Variants in FAF1 observed in about 807,000 individuals in gnomAD.
The protein encoded by FAF1 is Fas associated factor 1.
A neutral mutation model predicts 92.5 loss-of-function variants in FAF1; 25 were observed. The ratio of observed to expected loss-of-function variants is 0.27; its 90% CI spans 0.20 to 0.38. The LOEUF (loss-of-function observed/expected upper bound fraction) is 0.38, where lower values mean the gene tolerates loss of function less well. FAF1 is among the 10% of genes least tolerant of loss of function. The pLI, the probability that FAF1 is intolerant of heterozygous loss-of-function variation, is 1.00. For synonymous variants in FAF1, 234 were observed against 273.2 expected, an observed-to-expected ratio of 0.86 and a Z score of 1.42; for missense variants, 636 against 793.3, an observed-to-expected ratio of 0.80 and a Z score of 2.38.
chr1:50,533,708 G>A (rs1013859573), intron 15 of FAF1, among the ~76,000 whole-genome samples: 2 of 152,054 alleles, frequency 1.3e-5, no homozygotes, highest in Non-Finnish European at 2.9e-5. Context: ...TCTCCCTTAC[G>A]TGTTCTAGGG....
Position 50,663,189 on chromosome 1 carries a change from A to G in FAF1, c.658-7661T>C, listed in dbSNP as rs1423006653. Among the ~76,000 whole-genome samples, 4 of 151,652 alleles carry G rather than the reference A, an allele frequency of 2.6e-5. 1 individual carries two copies. The highest frequency in any genetic ancestry group is 2.0e-4 in the Admixed American group (3 of 15,258). On this transcript the variant is annotated intron_variant, in intron 7 of 18. Coordinates refer to ENST00000396153, the MANE Select transcript of FAF1 (RefSeq NM_007051.3). The stretch of plus-strand genomic sequence containing the variant: ...AAGTTGCAGGGATTATAACTGAAAA[A>G]AAAGGTTAATTATTTTTCTACAACA...
At chr1:50,599,068 CATA>C (rs1186363673) in intron 8 of FAF1, among the ~76,000 whole-genome samples, 1 of 152,048 alleles carries the variant, frequency 6.6e-6, no homozygotes, top group Non-Finnish European at 1.5e-5. Context: ...AAAATTATTT[CATA>C]ATAATACTTA....
At chr1:50,846,857 A>T (rs541913241) in intron 2 of FAF1, 1 of 543,436 alleles carries the variant, frequency 1.8e-6, no homozygotes, top group Non-Finnish European at 3.3e-6. Flanking sequence ...ATTCACCAGG[A>T]ATTAGCCTTA....
chr1:50,702,883 T>C (rs969248431), intron 7 of FAF1, among the ~76,000 whole-genome samples: 1 of 152,134 alleles, frequency 6.6e-6, no homozygotes, highest in Non-Finnish European at 1.5e-5. Context: ...AAAATGTACT[T>C]TGTTCTAATT....
Position 50,836,174 on chromosome 1 carries a change from T to TTTTGTTTTTTTG in FAF1, c.114+21754_114+21755insCAAAAAAACAAA, listed in dbSNP as rs1048549289. Among the ~76,000 whole-genome samples the TTTTGTTTTTTTG allele has an allele frequency of 2.1e-5, 3 of 139,584 alleles. No individual in the cohort carries two copies. The South Asian group carries it at 6.9e-4, about 32-fold the overall frequency. The allele number at this position is 139,584 out of a possible 152,430, so 91.6% of individuals were successfully genotyped here. ...GTGTTTTTGTTTTTTGTTTCTGTTTTTTTTTTTTTTTTTTTAGACAGGGTC... is the reference window on the plus strand; with the variant it reads ...GTGTTTTTGTTTTTTGTTTCTGTTTTTTTGTTTTTTTGTTTTTTTTTTTTTTTAGACAGGGTC... On this transcript the variant is annotated intron_variant, in intron 2 of 18. Transcript: ENST00000396153.
intron 17 of FAF1, among the ~76,000 whole-genome samples, chr1:50,484,975 G>A (rs1258492594): frequency 6.7e-6 from 1 of 148,334 alleles, no homozygotes; most frequent in Admixed American, 6.8e-5. Flanking sequence ...GGAGGGAGGA[G>A]GGATAGCATT....
chr1:50,586,347 C>T (rs1024150799), intron 9 of FAF1, among the ~76,000 whole-genome samples: 6 of 151,974 alleles, frequency 3.9e-5, no homozygotes, highest in Non-Finnish European at 7.4e-5. Flanking sequence ...GATCTCAGGA[C>T]CCCATGAAAC....
At chr1:50,682,014 T>C (rs1470649263) in intron 7 of FAF1, among the ~76,000 whole-genome samples, 1 of 150,984 alleles carries the variant, frequency 6.6e-6, no homozygotes, top group East Asian at 2.0e-4. Context: ...TTGTATTTTT[T>C]TGTAGAGTCA....
chr1:50,848,162 G>A (rs1644317935), intron 2 of FAF1, among the ~76,000 whole-genome samples: 1 of 151,818 alleles, frequency 6.6e-6, no homozygotes, highest in Non-Finnish European at 1.5e-5. Flanking sequence ...AAAAAACAAT[G>A]GAAATAAAAC....
chr1:50,563,096 T>A (rs1172403541), intron 13 of FAF1, among the ~76,000 whole-genome samples: 2 of 152,204 alleles, frequency 1.3e-5, no homozygotes, highest in African/African-American at 2.4e-5. Context: ...CCATTTTCTA[T>A]CAGGGACTTG....
At chr1:50,831,276 C>G (rs1234388728) in intron 2 of FAF1, among the ~76,000 whole-genome samples, 1 of 152,208 alleles carries the variant, frequency 6.6e-6, no homozygotes, top group African/African-American at 2.4e-5. Context: ...TCCTAAGCTA[C>G]TCTCTTTTGA....
At chr1:50,718,105 C>T (rs1658261134) in intron 6 of FAF1, among the ~76,000 whole-genome samples, 1 of 151,986 alleles carries the variant, frequency 6.6e-6, no homozygotes, top group South Asian at 2.1e-4. Flanking sequence ...CTGCAACCTC[C>T]GCCTCCCGAG....
intron 13 of FAF1, among the ~76,000 whole-genome samples, chr1:50,554,380 T>TAGAG (rs1464718969): frequency 3.9e-4 from 39 of 99,442 alleles, no homozygotes; most frequent in African/African-American, 1.7e-3. Flanking sequence ...TATATATATA[T>TAGAG]ATATATATAT....
At chr1:50,457,908 G>A (rs1215715798) in intron 18 of FAF1, among the ~76,000 whole-genome samples, 1 of 150,264 alleles carries the variant, frequency 6.7e-6, no homozygotes, top group East Asian at 2.0e-4. Context: ...TTGGGGAAGG[G>A]TAAATAATTT....
intron 13 of FAF1, among the ~76,000 whole-genome samples, chr1:50,551,610 G>A (rs1029384465): frequency 2.0e-5 from 3 of 152,160 alleles, no homozygotes; most frequent in Admixed American, 6.5e-5. Flanking sequence ...AGGCCCTTAA[G>A]AACATACTAT....
intron 1 of FAF1, among the ~76,000 whole-genome samples, chr1:50,895,110 GAAAA>G (rs1043749242): frequency 6.7e-6 from 1 of 150,096 alleles, no homozygotes; most frequent in South Asian, 2.1e-4. Flanking sequence ...TTTTAGAAAA[GAAAA>G]AAAAATTGAC....
Position 50,783,214 on chromosome 1 carries a change from A to AT in FAF1, c.367+4785dup, listed in dbSNP as rs1277081791. On this transcript the variant is annotated intron_variant, in intron 4 of 18. Coordinates refer to ENST00000396153, the MANE Select transcript of FAF1 (RefSeq NM_007051.3). ...ACAACTAGTCTGTTATAGAGAGTGAATCAGTAATCAAAAATCTCCCAACAA... is the reference window on the plus strand; with the variant it reads ...ACAACTAGTCTGTTATAGAGAGTGAATTCAGTAATCAAAAATCTCCCAACAA... 2.6e-5 allele frequency among the ~76,000 whole-genome samples: 4 copies of AT among 152,200 alleles called. No individual in the cohort carries two copies. In the East Asian group the frequency reaches 7.7e-4, roughly 29 times the overall value.
rs111266990 is a variant in FAF1, at chr1:50,441,651, A to G, written c.1870-128T>C. The stretch of plus-strand genomic sequence containing the variant: ...GGCACGAAGAGTCTCGCAGTATCTT[A>G]GTTGATCTTCAAAATAACCTGCAAG... On this transcript the variant is annotated intron_variant, in intron 18 of 18. Coordinates refer to ENST00000396153, the MANE Select transcript of FAF1 (RefSeq NM_007051.3). The G allele has an allele frequency of 5.8e-4, 276 of 478,304 alleles. 3 individuals carry two copies. The highest frequency in any genetic ancestry group is 4.5e-3 in the African/African-American group (227 of 50,056). The allele number at this position is 478,304 out of a possible 1,614,324, so 29.6% of individuals were successfully genotyped here. A position where few individuals can be genotyped will look rare whatever the true frequency, so the allele number is the denominator to read the frequency against.
chr1:50,854,467 T>C (rs556328790), intron 2 of FAF1, among the ~76,000 whole-genome samples: 6 of 152,116 alleles, frequency 3.9e-5, no homozygotes, highest in Admixed American at 2.0e-4. Context: ...GGAGATAACC[T>C]TGGGACAGAC....
Sources: gnomAD v4.1 joint callset for allele counts (sites outside exome capture counted in the v4.1 genomes callset) on GRCh38, gnomAD v4.1.1 for gene constraint, MANE v1.5 for transcripts, NCBI Gene and HGNC (gene_info 2026-07-23, HGNC 2026-07-21) for gene names.